AGBL4: variants seen among roughly 807,000 people sequenced by gnomAD.
AGBL4 encodes cytosolic carboxypeptidase 6.
In AGBL4, 58 loss-of-function variants were observed where a neutral mutation model predicts 66.4. The ratio of observed to expected loss-of-function variants is 0.87; its 90% confidence interval spans 0.71 to 1.09. The LOEUF is 1.09. Ranked by LOEUF, AGBL4 falls within the 50% of genes least tolerant of loss-of-function variation. The pLI, the probability that AGBL4 is intolerant of heterozygous loss-of-function variation, is 0.00. For synonymous variants in AGBL4, 234 were observed against 222.9 expected, an observed-to-expected ratio of 1.05 and a Z score of -0.44; for missense variants, 579 against 631.0, an observed-to-expected ratio of 0.92 and a Z score of 0.88.
intron 5 of AGBL4, among the ~76,000 whole-genome samples, chr1:49,025,219 G>C (rs1320792374): frequency 6.6e-6 from 1 of 152,204 alleles, no homozygotes; most frequent in East Asian, 1.9e-4. Flanking sequence ...TGGAAGAGGA[G>C]TGAGTTGCAG....
intron 3 of AGBL4, among the ~76,000 whole-genome samples, chr1:49,662,593 G>T (rs546318489): frequency 6.6e-6 from 1 of 152,096 alleles, no homozygotes; most frequent in East Asian, 1.9e-4. Context: ...AGAGAGTTAC[G>T]TTATGCCTCA....
At chr1:49,561,015 G>A (rs1644025694) in intron 3 of AGBL4, among the ~76,000 whole-genome samples, 11 of 151,974 alleles carry the variant, frequency 7.2e-5, no homozygotes. Context: ...TCACCTGAAG[G>A]TACAAACTCA....
intron 6 of AGBL4, among the ~76,000 whole-genome samples, chr1:48,860,167 T>C (rs1647352944): frequency 6.6e-6 from 1 of 152,180 alleles, no homozygotes; most frequent in Admixed American, 6.5e-5. Flanking sequence ...ATTGCCTCCC[T>C]TCTACTGACG....
At chr1:48,649,354 G>A (rs1286856387) in intron 8 of AGBL4, among the ~76,000 whole-genome samples, 11 of 152,194 alleles carry the variant, frequency 7.2e-5, no homozygotes. Flanking sequence ...TAACTGAGGT[G>A]CAGTAAGTAA....
chr1:49,820,787 A>C (rs1645349556), intron 2 of AGBL4, among the ~76,000 whole-genome samples: 1 of 152,212 alleles, frequency 6.6e-6, no homozygotes, highest in Non-Finnish European at 1.5e-5. Flanking sequence ...AAAGTTAACT[A>C]AGATGTATAA....
At chr1:49,883,256 T>C (rs1367418575) in intron 1 of AGBL4, among the ~76,000 whole-genome samples, 1 of 152,102 alleles carries the variant, frequency 6.6e-6, no homozygotes, top group Non-Finnish European at 1.5e-5. Flanking sequence ...ATATTGGAAC[T>C]CTTTATTATG....
chr1:48,926,283 TTTTA>T (rs869026418), intron 5 of AGBL4, among the ~76,000 whole-genome samples: 7 of 150,146 alleles, frequency 4.7e-5, no homozygotes, highest in Admixed American at 1.3e-4. Flanking sequence ...TTTTATTTTA[TTTTA>T]TTTATTTTTG....
intron 9 of AGBL4, among the ~76,000 whole-genome samples, chr1:48,624,766 G>T (rs937943042): frequency 2.6e-5 from 4 of 152,190 alleles, no homozygotes; most frequent in African/African-American, 9.7e-5. Flanking sequence ...AAGATGATAG[G>T]CTTGCAGGTG....
intron 3 of AGBL4, among the ~76,000 whole-genome samples, chr1:49,533,855 T>C (rs1045679391): frequency 6.6e-6 from 1 of 152,070 alleles, no homozygotes; most frequent in Non-Finnish European, 1.5e-5. Context: ...AGACACCTGA[T>C]CTTTGGCTTG....
At chr1:49,023,065 T>C (rs1036781936) in intron 5 of AGBL4, among the ~76,000 whole-genome samples, 1 of 152,174 alleles carries the variant, frequency 6.6e-6, no homozygotes, top group Non-Finnish European at 1.5e-5. Context: ...GGTTACAACA[T>C]TGAAATGGAG....
chr1:48,929,879 C>G (rs1380967432), intron 5 of AGBL4, among the ~76,000 whole-genome samples: 2 of 152,296 alleles, frequency 1.3e-5, no homozygotes. Context: ...AGACTTTTCT[C>G]TGATTTTATT....
At chr1:49,886,217 G>C (rs1158111654) in intron 1 of AGBL4, among the ~76,000 whole-genome samples, 2 of 152,262 alleles carry the variant, frequency 1.3e-5, no homozygotes, top group East Asian at 1.9e-4. Context: ...GATAGTCATA[G>C]TGCAAATAAC....
intron 6 of AGBL4, among the ~76,000 whole-genome samples, chr1:48,835,011 C>T (rs1404539928): frequency 6.6e-6 from 1 of 152,120 alleles, no homozygotes; most frequent in African/African-American, 2.4e-5. Context: ...AAACAAATGC[C>T]TTATCCTAAT....
At chr1:48,932,069 C>T (rs981389958) in intron 5 of AGBL4, among the ~76,000 whole-genome samples, 2 of 152,172 alleles carry the variant, frequency 1.3e-5, no homozygotes, top group South Asian at 2.1e-4. Context: ...GATGGTCCCT[C>T]TCTCCACCTG....
At chr1:48,761,099 C>T (rs1022797728) in intron 6 of AGBL4, 1 of 470,632 alleles carries the variant, frequency 2.1e-6, no homozygotes. Context: ...TGACACTGCA[C>T]AGACTGTGCA....
rs576049264 is a variant in AGBL4, at chr1:49,819,655, C to T, written c.157+31741G>A. 1.4e-4 allele frequency among the ~76,000 whole-genome samples: 22 copies of T among 152,150 alleles called. No individual in the cohort carries two copies. In the South Asian group the frequency reaches 4.2e-3, roughly 29 times the overall value. On this transcript the variant is annotated intron_variant, in intron 2 of 13. Transcript: ENST00000371839. ...CTAATCTGTGCTGGTAAATGATATC[C>T]CACATTCTATTTTTTCCAACACTGA...
chr1:49,436,332 G>A (rs544761514), intron 3 of AGBL4, among the ~76,000 whole-genome samples: 4 of 152,164 alleles, frequency 2.6e-5, no homozygotes, highest in East Asian at 1.9e-4. Flanking sequence ...TCTTAAATGC[G>A]AACTCACAGA....
intron 3 of AGBL4, among the ~76,000 whole-genome samples, chr1:49,326,205 G>C (rs1645225864): frequency 6.6e-6 from 1 of 152,036 alleles, no homozygotes; most frequent in Non-Finnish European, 1.5e-5. Flanking sequence ...CTGAGATTTT[G>C]TTTACTTTCA....
intron 1 of AGBL4, among the ~76,000 whole-genome samples, chr1:49,940,503 A>G (rs1328301054): frequency 6.6e-6 from 1 of 152,194 alleles, no homozygotes; most frequent in African/African-American, 2.4e-5. Context: ...CATATACACC[A>G]TGGAATACTA....
Sources: gnomAD v4.1 joint callset for allele counts (sites outside exome capture counted in the v4.1 genomes callset) on GRCh38, gnomAD v4.1.1 for gene constraint, MANE v1.5 for transcripts, NCBI Gene and HGNC (gene_info 2026-07-23, HGNC 2026-07-21) for gene names.